The following HIPK3 variants were observed in gnomAD, a reference collection of about 807,000 sequenced individuals.
HIPK3 encodes the protein homeodomain interacting protein kinase 3.
In HIPK3, 47 loss-of-function variants were observed where a neutral mutation model predicts 124.2. The ratio of observed to expected loss-of-function variants is 0.38; its 90% CI spans 0.30 to 0.48. HIPK3 has a LOEUF of 0.48. HIPK3 is among the 20% of genes least tolerant of loss of function. The pLI, the probability that HIPK3 is intolerant of heterozygous loss-of-function variation, is 0.98. For synonymous variants in HIPK3, 482 were observed against 515.2 expected (o/e 0.94, Z 0.87); for missense variants, 1,286 against 1,454.3 (o/e 0.88, Z 1.88).
rs78088675 is a variant in HIPK3 at position 33,258,639 on chromosome 11, T to C, written c.-3+750T>C. ...ACTGGGAGAACTGGCGGAAAGACTT[T>C]GGATGAAAATGTCTGTTTCTCTGTC... On this transcript the variant is annotated intron_variant, in intron 1 of 16. Transcript: ENST00000303296. 5,860 of 985,336 alleles carry C rather than the reference T, an allele frequency of 5.9e-3. 17 individuals carry two copies. The highest frequency in any genetic ancestry group is 6.6e-3 in the Non-Finnish European group (5,452 of 829,914). The allele number at this position is 985,336 out of a possible 1,614,324, so 61.0% of individuals were successfully genotyped here. A position where few individuals can be genotyped will look rare whatever the true frequency, so the allele number is the denominator to read the frequency against.
chr11:33,262,883 T>A (rs1477741718), intron 1 of HIPK3, among the ~76,000 whole-genome samples: 1 of 152,186 alleles, frequency 6.6e-6, no homozygotes, highest in African/African-American at 2.4e-5. Context: ...AGTGGTATGA[T>A]CATAGCTCAC....
chr11:33,264,854 A>G (rs1055336572), intron 1 of HIPK3, among the ~76,000 whole-genome samples: 10 of 152,222 alleles, frequency 6.6e-5, no homozygotes, highest in African/African-American at 2.4e-4. Flanking sequence ...AAATTGGCAT[A>G]TAAAGGCCTA....
At chr11:33,341,402 C>T (rs118109451) in intron 7 of HIPK3, among the ~76,000 whole-genome samples, 161 bp from the exon 8 acceptor site, 4,548 of 152,184 alleles carry the variant, frequency 0.03, 90 homozygotes, top group South Asian at 0.059. Flanking sequence ...TCAGTAGAAT[C>T]GGTTTTTAAA....
In HIPK3 at chr11:33,347,906, G is replaced by A. The variant is rs1210813277; in HGVS notation, c.2199G>A (p.Leu733=). 2 of 1,614,146 alleles carry A rather than the reference G, an allele frequency of 1.2e-6. No individual in the cohort carries two copies. Among genetic ancestry groups the A allele is most frequent in the South Asian group, 2.2e-5 (2 of 91,050 alleles). The stretch of plus-strand genomic sequence containing the variant: ...ACTCAGTGATGCCGCAGCCTCTTCT[G>A]ACCAATCAGATAACTTTATCTGCCC... ...HYNSVMPQPL[L]TNQITLSAPQ... Residue 733 remains leucine (L), a synonymous_variant, in exon 11 of 17, where the codon CTG becomes CTA. Transcript: ENST00000303296.
intron 2 of HIPK3, among the ~76,000 whole-genome samples, chr11:33,328,154 A>G (rs1018518258): frequency 2.0e-5 from 3 of 152,048 alleles, no homozygotes; most frequent in Non-Finnish European, 4.4e-5. Flanking sequence ...TGCTGATGTC[A>G]TAGTATGTAT....
chr11:33,293,017 G>A (rs1417313307), intron 2 of HIPK3, among the ~76,000 whole-genome samples: 10 of 152,178 alleles, frequency 6.6e-5, no homozygotes, highest in African/African-American at 2.4e-4. Context: ...GATTACAGGC[G>A]TGAGCCACCG....
At chr11:33,274,830 C>T (rs548495481) in intron 1 of HIPK3, among the ~76,000 whole-genome samples, 1 of 152,232 alleles carries the variant, frequency 6.6e-6, no homozygotes, top group Non-Finnish European at 1.5e-5. Context: ...AATGTTGGAA[C>T]ATTTTGCTAA....
chr11:33,256,783 G>C (rs1694839216), upstream of HIPK3: 1 of 822,378 alleles, frequency 1.2e-6, no homozygotes, highest in Non-Finnish European at 1.4e-6. Context: ...TGGGGTTTTG[G>C]ACAGTAGAGA....
At chr11:33,343,125 T>G (rs983797833) in intron 8 of HIPK3, among the ~76,000 whole-genome samples, 3 of 152,164 alleles carry the variant, frequency 2.0e-5, no homozygotes, top group Admixed American at 6.5e-5. Context: ...TCCTGTTTGC[T>G]GTATCATTGT....
At chr11:33,295,424 A>G (rs1044317016) in intron 2 of HIPK3, among the ~76,000 whole-genome samples, 2 of 152,138 alleles carry the variant, frequency 1.3e-5, no homozygotes, top group Non-Finnish European at 1.5e-5. Context: ...TCTGTGTTGA[A>G]TATTGGTTGT....
intron 2 of HIPK3, among the ~76,000 whole-genome samples, chr11:33,302,356 T>TTTTTTTTTTA (rs1565074006): frequency 6.7e-6 from 1 of 150,024 alleles, no homozygotes; most frequent in African/African-American, 2.4e-5. Context: ...TTTTTTTTTT[T>TTTTTTTTTTA]GAGAAGGAGT....
At chr11:33,344,821 C>T (rs1197872330) in intron 8 of HIPK3, among the ~76,000 whole-genome samples, 2 of 152,176 alleles carry the variant, frequency 1.3e-5, no homozygotes, top group African/African-American at 2.4e-5. Context: ...AAAGCACTCC[C>T]TCTACAGTCT....
intron 2 of HIPK3, among the ~76,000 whole-genome samples, chr11:33,307,969 C>T (rs1349648983): frequency 2.0e-5 from 3 of 151,898 alleles, no homozygotes; most frequent in Non-Finnish European, 4.4e-5. Flanking sequence ...TTATGATTGC[C>T]ATTTGTGTCC....
intron 2 of HIPK3, among the ~76,000 whole-genome samples, chr11:33,306,915 A>G (rs1167320507): frequency 2.7e-5 from 4 of 150,778 alleles, no homozygotes; most frequent in African/African-American, 7.3e-5. Flanking sequence ...GTGGCTTTGT[A>G]TGAATAATGA....
intron 2 of HIPK3, among the ~76,000 whole-genome samples, chr11:33,310,660 C>T (rs1011549233): frequency 1.3e-5 from 2 of 152,184 alleles, no homozygotes; most frequent in Non-Finnish European, 2.9e-5. Context: ...TTAAATTCCT[C>T]AGTTACATTA....
At position 33,285,182 on chromosome 11, in the gene HIPK3, A is replaced by G. The variant is rs545454696; in HGVS notation, c.-2-1231A>G. 1.9e-3 allele frequency among the ~76,000 whole-genome samples: 296 copies of G among 152,324 alleles called. 13 individuals carry two copies. The highest frequency in any genetic ancestry group is 2.2e-3 in the Non-Finnish European group (153 of 68,014). On this transcript the variant is annotated intron_variant, in intron 1 of 16. Transcript: ENST00000303296. ...AAGAATGTTGGCTATTTCAGCCTCA[A>G]TAAACTCACATCCTTTTTGGATGCA...
At chr11:33,350,675 TAGAAA>T (rs1394617741) in intron 14 of HIPK3, among the ~76,000 whole-genome samples, 2 of 151,822 alleles carry the variant, frequency 1.3e-5, no homozygotes, top group Non-Finnish European at 2.9e-5. Context: ...CCCTATCTCT[TAGAAA>T]GGAAGGAAGG....
intron 3 of HIPK3, among the ~76,000 whole-genome samples, chr11:33,329,156 G>A (rs1002210228): frequency 3.9e-5 from 6 of 151,998 alleles, no homozygotes; most frequent in African/African-American, 1.4e-4. Flanking sequence ...ACCTTATTAA[G>A]CACACTTTTC....
intron 1 of HIPK3, among the ~76,000 whole-genome samples, chr11:33,261,455 G>C (rs954719659): frequency 1.3e-5 from 2 of 152,052 alleles, no homozygotes; most frequent in African/African-American, 2.4e-5. Context: ...TTATAAGTGA[G>C]AATGTGTGGT....
Sources: allele counts gnomAD v4.1 joint callset (sites outside exome capture counted in the v4.1 genomes callset), GRCh38; gene constraint gnomAD v4.1.1; transcripts MANE v1.5; gene names NCBI Gene and HGNC (gene_info 2026-07-23, HGNC 2026-07-21).